LRP1B: variants seen among roughly 807,000 people sequenced by gnomAD.
LRP1B encodes the protein LDL receptor related protein 1B.
A neutral mutation model predicts 556.6 loss-of-function variants in LRP1B; 217 were observed. The ratio of observed to expected loss-of-function variants is 0.39; its 90% CI spans 0.35 to 0.44. The LOEUF is 0.44. Ranked by LOEUF, LRP1B falls within the 20% of genes least tolerant of loss-of-function variation. The pLI, the probability that LRP1B is intolerant of heterozygous loss-of-function variation, is 1.00. For synonymous variants in LRP1B, 2,047 were observed against 1,865.8 expected, an observed-to-expected ratio of 1.10 and a Z score of -2.50; for missense variants, 5,053 against 5,620.8, an observed-to-expected ratio of 0.90 and a Z score of 3.23.
intron 11 of LRP1B, among the ~76,000 whole-genome samples, chr2:141,043,795 T>C (rs181033482): frequency 1.1e-4 from 16 of 152,122 alleles, no homozygotes; most frequent in East Asian, 9.7e-4. Flanking sequence ...TTATAATTCA[T>C]ATTACAATGA....
intron 31 of LRP1B, among the ~76,000 whole-genome samples, chr2:140,814,370 A>G (rs1477732305): frequency 6.6e-6 from 1 of 152,200 alleles, no homozygotes; most frequent in African/African-American, 2.4e-5. Flanking sequence ...CTGTGCCACC[A>G]AGAAATGACA....
intron 2 of LRP1B, among the ~76,000 whole-genome samples, chr2:141,602,039 C>A (rs1239241381): frequency 2.0e-5 from 3 of 152,096 alleles, no homozygotes; most frequent in African/African-American, 7.2e-5. Context: ...TGGAGCAGAG[C>A]AAATGACTTG....
chr2:141,312,225 G>A lies in LRP1B; in HGVS notation c.344-57584C>T, dbSNP rs186370849. ...CCTCTACCTCTATTTCCCCCAAGAC[G>A]GTAAGGCCGACCCCTCATTTTCCTC... is the stretch of plus-strand genomic sequence containing the variant. On this transcript the variant is annotated intron_variant, in intron 3 of 90. Coordinates refer to ENST00000389484, the MANE Select transcript of LRP1B (RefSeq NM_018557.3). Among the ~76,000 whole-genome samples, 86 of 151,964 alleles carry A rather than the reference G, an allele frequency of 5.7e-4. 3 individuals are homozygous for A. The East Asian group carries it at 0.014, about 25-fold the overall frequency.
Position 140,394,059 on chromosome 2 carries a change from A to G in LRP1B, c.10415-8050T>C, listed in dbSNP as rs191080037. ...TGATTACAAGTTCACCCAAAGTGGT[A>G]ACAGATGTGAGGAGAACATATTCTC... is the stretch of plus-strand genomic sequence containing the variant. On this transcript the variant is annotated intron_variant, in intron 66 of 90. Transcript: ENST00000389484. 6.5e-3 allele frequency among the ~76,000 whole-genome samples: 984 copies of G among 152,248 alleles called. 7 individuals are homozygous for G. The highest frequency in any genetic ancestry group is 9.6e-3 in the Non-Finnish European group (654 of 68,014).
At chr2:141,435,004 A>G (rs568890308) in intron 3 of LRP1B, among the ~76,000 whole-genome samples, 26 of 152,274 alleles carry the variant, frequency 1.7e-4, no homozygotes, top group South Asian at 6.2e-4. Flanking sequence ...AAGCTGTACC[A>G]TAGATCAGGG....
chr2:140,686,096 A>T lies in LRP1B; in HGVS notation c.6799+14154T>A, dbSNP rs142854047. Among the ~76,000 whole-genome samples, 342 of 152,294 alleles carry T rather than the reference A, an allele frequency of 2.2e-3. 1 individual carries two copies. The highest frequency in any genetic ancestry group is 5.2e-3 in the Admixed American group (79 of 15,300). ...AAGTCCTTTCCATTCTAGATTAGTT[A>T]CAGGAGTAAACATGTGGTTAAGAAA... On this transcript the variant is annotated intron_variant, in intron 41 of 90. Transcript: ENST00000389484.
chr2:141,147,080 C>G (rs189301712), intron 7 of LRP1B, among the ~76,000 whole-genome samples: 1 of 152,240 alleles, frequency 6.6e-6, no homozygotes, highest in East Asian at 1.9e-4. Context: ...TTTTCTTCTC[C>G]CCTCCTTTTC....
intron 7 of LRP1B, among the ~76,000 whole-genome samples, chr2:141,082,752 T>A (rs544142913): frequency 6.6e-6 from 1 of 152,294 alleles, no homozygotes; most frequent in South Asian, 2.1e-4. Context: ...AGAAATGCAA[T>A]CCAATGTTTG....
intron 2 of LRP1B, among the ~76,000 whole-genome samples, chr2:141,792,580 T>C (rs1247231394): frequency 2.0e-5 from 3 of 152,028 alleles, no homozygotes; most frequent in African/African-American, 4.8e-5. Flanking sequence ...CTGAGTTAGC[T>C]ACTTTCCTAA....
At chr2:140,324,799 C>T (rs1025379576) in intron 80 of LRP1B, among the ~76,000 whole-genome samples, 1 of 150,046 alleles carries the variant, frequency 6.7e-6, no homozygotes, top group Non-Finnish European at 1.5e-5. Flanking sequence ...TTTGCTGTTT[C>T]ATGAAATAGT....
At chr2:140,985,198 CA>C (rs1312991491) in intron 17 of LRP1B, among the ~76,000 whole-genome samples, 1 of 152,050 alleles carries the variant, frequency 6.6e-6, no homozygotes, top group African/African-American at 2.4e-5. Flanking sequence ...ACCAACCATA[CA>C]GCCAAGAGGA....
chr2:140,961,570 C>A (rs1442835232), intron 18 of LRP1B, among the ~76,000 whole-genome samples: 1 of 152,036 alleles, frequency 6.6e-6, no homozygotes, highest in Non-Finnish European at 1.5e-5. Flanking sequence ...TTGTATATCA[C>A]TTCCTAATGT....
intron 2 of LRP1B, among the ~76,000 whole-genome samples, chr2:141,671,283 AG>A (rs1327998149): frequency 1.3e-5 from 2 of 152,200 alleles, no homozygotes; most frequent in Non-Finnish European, 2.9e-5. Context: ...AGATAATCTA[AG>A]GTCAGATTCT....
intron 84 of LRP1B, among the ~76,000 whole-genome samples, chr2:140,289,952 C>T (rs905216492): frequency 1.3e-5 from 2 of 152,042 alleles, no homozygotes; most frequent in Admixed American, 1.3e-4. Context: ...TGGCCCAGAA[C>T]TCTGATCCTG....
chr2:141,489,488 C>T (rs12691611), intron 2 of LRP1B, among the ~76,000 whole-genome samples: 148,047 of 151,960 alleles, frequency 0.97, 72,227 homozygotes, highest in East Asian at 1. Flanking sequence ...AGACCACTTA[C>T]AAGACTATCA....
At chr2:140,710,049 G>T (rs951513530) in intron 37 of LRP1B, among the ~76,000 whole-genome samples, 2 of 151,980 alleles carry the variant, frequency 1.3e-5, no homozygotes, top group African/African-American at 4.8e-5. Flanking sequence ...TTTTTAAAAT[G>T]CTTTTAAGAC....
intron 41 of LRP1B, among the ~76,000 whole-genome samples, chr2:140,675,082 AC>A (rs1399068626): frequency 1.3e-5 from 2 of 152,048 alleles, no homozygotes; most frequent in Admixed American, 6.6e-5. Flanking sequence ...TCATCATATC[AC>A]CTTTTCTCAC....
intron 84 of LRP1B, among the ~76,000 whole-genome samples, chr2:140,291,298 TTATATA>T (rs66596182): frequency 5.6e-5 from 4 of 72,000 alleles, no homozygotes; most frequent in Non-Finnish European, 1.5e-4. Flanking sequence ...AAATTTTATT[TTATATA>T]TATATATATA....
chr2:140,608,386 T>A (rs922306053), intron 41 of LRP1B, among the ~76,000 whole-genome samples: 1 of 152,232 alleles, frequency 6.6e-6, no homozygotes, highest in South Asian at 2.1e-4. Context: ...GATCTTCTTG[T>A]AGCCAAGGCA....
Sources: allele counts gnomAD v4.1 joint callset (sites outside exome capture counted in the v4.1 genomes callset), GRCh38; gene constraint gnomAD v4.1.1; transcripts MANE v1.5; gene names NCBI Gene and HGNC (gene_info 2026-07-23, HGNC 2026-07-21).